Variants in GNAL observed in about 807,000 individuals in gnomAD.
GNAL encodes G protein subunit alpha L.
Under a neutral mutation model 55.1 loss-of-function variants are expected in GNAL, and 18 were observed. That is an observed-to-expected ratio of 0.33 (90% CI 0.23 to 0.48). The LOEUF (loss-of-function observed/expected upper bound fraction) is 0.48. Among genes scored for constraint, GNAL ranks in the 20% least tolerant of loss-of-function variants. GNAL has a pLI of 0.99. For missense variants in GNAL, 412 were observed against 614.1 expected (o/e 0.67, Z 3.48); for synonymous variants, 253 against 237.0 (o/e 1.07, Z -0.62).
intron 11 of GNAL, among the ~76,000 whole-genome samples, chr18:11,879,281 T>TAAAGGCTGTTTCCCAGGATCGAAAAAGG (rs2036606140): frequency 6.6e-6 from 1 of 151,928 alleles, no homozygotes; most frequent in Non-Finnish European, 1.5e-5. Flanking sequence ...AGCAGCTCTC[T>TAAAGGCTGTTTCCCAGGATCGAAAAAGG]AAAGGCTGTT....
intron 1 of GNAL, among the ~76,000 whole-genome samples, chr18:11,724,362 C>A (rs534213394): frequency 4.6e-5 from 7 of 152,282 alleles, no homozygotes; most frequent in African/African-American, 1.7e-4. Context: ...CCACAGGCTG[C>A]GTGGCTTATA....
Position 11,752,712 on chromosome 18 carries a change from C to T in GNAL, c.377-141C>T, listed in dbSNP as rs2032896246. 1.3e-5 allele frequency: 15 copies of T among 1,169,878 alleles called. No individual in the cohort carries two copies. The highest frequency in any genetic ancestry group is 1.8e-5 in the Non-Finnish European group (15 of 844,116). The allele number at this position is 1,169,878 out of a possible 1,614,324, so 72.5% of individuals were successfully genotyped here. The stretch of plus-strand genomic sequence containing the variant: ...TGGGCCGCGGAGCCCAGACGGCGGC[C>T]GGGGCGAGCTCCTCCAGCCAGGAAC... On this transcript the variant is annotated intron_variant, in intron 1 of 11. Coordinates refer to ENST00000334049, the MANE Select transcript of GNAL (RefSeq NM_182978.4). The surrounding 1 kb of genome is among the most constrained non-coding windows in gnomAD (Gnocchi z 4.5).
chr18:11,804,174 T>C (rs1236503352), intron 4 of GNAL, among the ~76,000 whole-genome samples: 1 of 138,900 alleles, frequency 7.2e-6, no homozygotes, highest in African/African-American at 2.8e-5. Flanking sequence ...AGATACTGTG[T>C]AGTGGTGAAG....
chr18:11,851,984 A>C, intron 5 of GNAL: 1 of 1,613,852 alleles, frequency 6.2e-7, no homozygotes, highest in Non-Finnish European at 8.5e-7. Context: ...GAAATGGCAG[A>C]TGAGGCGGGC....
At chr18:11,835,813 T>C (rs1368275265) in intron 5 of GNAL, among the ~76,000 whole-genome samples, 1 of 152,170 alleles carries the variant, frequency 6.6e-6, no homozygotes, top group Non-Finnish European at 1.5e-5. Context: ...CTAAGTACTG[T>C]ACTACTATTA....
chr18:11,694,190 G>C (rs1056740340), intron 1 of GNAL, among the ~76,000 whole-genome samples: 3 of 152,026 alleles, frequency 2.0e-5, no homozygotes, highest in African/African-American at 7.2e-5. Context: ...TGTGAGGTTA[G>C]TCCCGTCTCC....
At chr18:11,759,881 G>A (rs1007926157) in intron 4 of GNAL, among the ~76,000 whole-genome samples, 4 of 152,174 alleles carry the variant, frequency 2.6e-5, no homozygotes, top group Non-Finnish European at 4.4e-5. Flanking sequence ...TTGTGCTGTG[G>A]GTTTTCGTGT....
intron 1 of GNAL, among the ~76,000 whole-genome samples, chr18:11,692,891 C>A (rs2031297747): frequency 6.6e-6 from 1 of 152,132 alleles, no homozygotes; most frequent in Admixed American, 6.5e-5. Context: ...AACTGACCCA[C>A]CCACGTCAGC....
intron 10 of GNAL, among the ~76,000 whole-genome samples, chr18:11,873,330 G>A (rs2036441855): frequency 6.6e-6 from 1 of 152,166 alleles, no homozygotes; most frequent in South Asian, 2.1e-4. Flanking sequence ...CTCCCTCATG[G>A]GAGAGGCATT....
At chr18:11,777,062 G>A (rs1250655987) in intron 4 of GNAL, among the ~76,000 whole-genome samples, 1 of 152,014 alleles carries the variant, frequency 6.6e-6, no homozygotes, top group Non-Finnish European at 1.5e-5. Context: ...TCTATCCCTC[G>A]GTCCTCTTTA....
chr18:11,849,240 G>T (rs2035801063), intron 5 of GNAL, among the ~76,000 whole-genome samples: 1 of 152,172 alleles, frequency 6.6e-6, no homozygotes, highest in African/African-American at 2.4e-5. Context: ...GGTGGCCCAC[G>T]CCTATAATCC....
At chr18:11,701,357 G>A (rs555860277) in intron 1 of GNAL, among the ~76,000 whole-genome samples, 6 of 152,130 alleles carry the variant, frequency 3.9e-5, no homozygotes, top group South Asian at 2.1e-4. Context: ...TTGAGAGGCC[G>A]AGGCGGGTGG....
chr18:11,725,594 A>G (rs2032194477), intron 1 of GNAL, among the ~76,000 whole-genome samples: 1 of 152,212 alleles, frequency 6.6e-6, no homozygotes, highest in African/African-American at 2.4e-5. Flanking sequence ...AGTAAAATGC[A>G]TTTAAGGTGG....
intron 4 of GNAL, among the ~76,000 whole-genome samples, chr18:11,810,121 C>G (rs1385205522): frequency 6.6e-6 from 1 of 152,206 alleles, no homozygotes; most frequent in South Asian, 2.1e-4. Flanking sequence ...CTGGGCAGGG[C>G]GGCTCACGCC....
intron 1 of GNAL, among the ~76,000 whole-genome samples, chr18:11,695,401 G>T (rs1207825079): frequency 6.6e-6 from 1 of 152,148 alleles, no homozygotes; most frequent in Non-Finnish European, 1.5e-5. Context: ...ATTGGCAGAG[G>T]CCCTGGGTCT....
chr18:11,753,904 A>C lies in GNAL; in HGVS notation c.583A>C (p.Ile195Leu). 1 of 1,609,588 alleles carries C rather than the reference A, an allele frequency of 6.2e-7. No individual in the cohort carries two copies. Reference sequence around the variant, plus strand: ...TGAAAACCAATTTCGATCAGACTACATCAAGAGCATAGCCCCTATCACTGA... The same window carrying C: ...TGAAAACCAATTTCGATCAGACTACCTCAAGAGCATAGCCCCTATCACTGA... ...NPENQFRSDY[I>L]KSIAPITDFE... Residue 195 changes from isoleucine to leucine, a missense_variant, in exon 4 of 12, where the codon ATC becomes CTC. By Grantham distance (5) the Ile-to-Leu change is conservative. This residue lies in a region of GNAL where 47 missense variants were observed against 82.7 expected (regional missense o/e 0.57). Transcript: ENST00000334049.
At chr18:11,693,274 A>G (rs1186981680) in intron 1 of GNAL, among the ~76,000 whole-genome samples, 1 of 152,222 alleles carries the variant, frequency 6.6e-6, no homozygotes, top group Non-Finnish European at 1.5e-5. Context: ...CTAAAGAGTC[A>G]GCTTCTTGTA....
At chr18:11,697,137 A>G (rs2031436905) in intron 1 of GNAL, among the ~76,000 whole-genome samples, 1 of 152,266 alleles carries the variant, frequency 6.6e-6, no homozygotes, top group Non-Finnish European at 1.5e-5. Flanking sequence ...CCAGGTGAAC[A>G]CAGCCCTCTG....
intron 5 of GNAL, among the ~76,000 whole-genome samples, chr18:11,826,257 GAGGGGGAAGGAAGAGGAGGAGGAGGA>G: frequency 7.2e-6 from 1 of 138,012 alleles, no homozygotes; most frequent in African/African-American, 2.6e-5. Context: ...GAGGAGCGGG[GAGGGGGAAGGAAGAGGAGGAGGAGGA>G]GCGGGGAGGG....
Sources: allele counts gnomAD v4.1 joint callset (sites outside exome capture counted in the v4.1 genomes callset), GRCh38; gene constraint gnomAD v4.1.1; regional missense constraint gnomAD v4.1.1; non-coding constraint Gnocchi (gnomAD v3.1); transcripts MANE v1.5; gene names NCBI Gene and HGNC (gene_info 2026-07-23, HGNC 2026-07-21).